The following GRM7 variants were observed in gnomAD, a reference collection of about 807,000 sequenced individuals.
GRM7 encodes metabotropic glutamate receptor 7.
A neutral mutation model predicts 84.5 loss-of-function variants in GRM7; 35 were observed. That is an observed-to-expected ratio of 0.41 (90% CI 0.32 to 0.55). The LOEUF (loss-of-function observed/expected upper bound fraction) is 0.55, where lower values mean the gene tolerates loss of function less well. Among genes scored for constraint, GRM7 ranks in the 20% least tolerant of loss-of-function variants. The pLI is 0.19. For synonymous variants in GRM7, 487 were observed against 455.1 expected, an observed-to-expected ratio of 1.07 and a Z score of -0.89; for missense variants, 1,003 against 1,194.6, an observed-to-expected ratio of 0.84 and a Z score of 2.36.
chr3:7,612,927 A>G (rs1411545487), intron 8 of GRM7, among the ~76,000 whole-genome samples: 1 of 152,218 alleles, frequency 6.6e-6, no homozygotes, highest in Non-Finnish European at 1.5e-5. Context: ...AACTCTGCAG[A>G]GTAACTTGAA....
At chr3:6,987,652 C>T (rs1444762901) in intron 1 of GRM7, among the ~76,000 whole-genome samples, 3 of 152,160 alleles carry the variant, frequency 2.0e-5, no homozygotes, top group African/African-American at 4.8e-5. Flanking sequence ...ATGCTAGTTC[C>T]TTGTAAGCCA....
chr3:6,913,728 G>A (rs1696850761), intron 1 of GRM7, among the ~76,000 whole-genome samples: 2 of 152,116 alleles, frequency 1.3e-5, no homozygotes, highest in Admixed American at 1.3e-4. Flanking sequence ...CACAGTTTTA[G>A]TAGCAAAAGT....
At chr3:6,919,951 G>A (rs890278058) in intron 1 of GRM7, among the ~76,000 whole-genome samples, 3 of 152,092 alleles carry the variant, frequency 2.0e-5, no homozygotes, top group Admixed American at 6.6e-5. Context: ...CATTCTATCT[G>A]AATGAGATGG....
intron 1 of GRM7, chr3:6,956,743 T>A (rs1693071507): frequency 2.3e-6 from 1 of 429,424 alleles, no homozygotes; most frequent in Admixed American, 2.6e-5. Flanking sequence ...CGTTGTAGAA[T>A]GTCTCTTATA....
rs111877541 is a variant in GRM7, at chr3:7,131,241, C to A, written c.520-15211C>A. On this transcript the variant is annotated intron_variant, in intron 1 of 9. Transcript: ENST00000357716. ...TACTCCCTCTAACAGCAGGGAGTGA[C>A]CTGCTTCAAATGTCAAATGGAACCA... 5.9e-3 allele frequency among the ~76,000 whole-genome samples: 892 copies of A among 152,224 alleles called. 7 individuals carry two copies. The highest frequency in any genetic ancestry group is 0.01 in the Middle Eastern group (3 of 294).
rs564706074 is a variant in GRM7 at position 7,102,050 on chromosome 3, T to C, written c.520-44402T>C. Among the ~76,000 whole-genome samples the C allele has an allele frequency of 2.6e-5, 4 of 151,766 alleles. No individual in the cohort carries two copies. In the East Asian group the frequency reaches 7.8e-4, roughly 29 times the overall value. On this transcript the variant is annotated intron_variant, in intron 1 of 9. Coordinates refer to ENST00000357716, the MANE Select transcript of GRM7 (RefSeq NM_000844.4). ...ATATTATACATCCCATAATATAATG[T>C]AAAATTTTTTTCTTTCAAAATTTAG...
intron 1 of GRM7, among the ~76,000 whole-genome samples, chr3:7,049,010 G>C (rs886501514): frequency 6.6e-6 from 1 of 151,850 alleles, no homozygotes; most frequent in Non-Finnish European, 1.5e-5. Context: ...AATTGTCATA[G>C]TGTTATTTAT....
chr3:7,353,888 G>C (rs141857309), intron 4 of GRM7, among the ~76,000 whole-genome samples: 6 of 152,258 alleles, frequency 3.9e-5, no homozygotes, highest in African/African-American at 1.2e-4. Flanking sequence ...AGTGTGACTT[G>C]TGTAGACCTG....
At chr3:7,677,286 A>AC (rs1559481708) in intron 8 of GRM7, among the ~76,000 whole-genome samples, 3 of 150,248 alleles carry the variant, frequency 2.0e-5, no homozygotes, top group African/African-American at 7.5e-5. Flanking sequence ...AAAAAAAAAA[A>AC]AAAAAAAACT....
intron 8 of GRM7, among the ~76,000 whole-genome samples, chr3:7,661,922 T>TC (rs1243967252): frequency 1.3e-5 from 2 of 151,000 alleles, no homozygotes; most frequent in African/African-American, 2.4e-5. Context: ...AAAGTATTTA[T>TC]CCCCCCCAAT....
intron 9 of GRM7, among the ~76,000 whole-genome samples, chr3:7,725,374 G>C (rs1439043021): frequency 6.6e-6 from 1 of 152,148 alleles, no homozygotes; most frequent in Admixed American, 6.5e-5. Context: ...CTTTTGGCCT[G>C]GGTTTTATGT....
chr3:7,530,028 G>A (rs1700970923), intron 7 of GRM7, among the ~76,000 whole-genome samples: 1 of 151,696 alleles, frequency 6.6e-6, no homozygotes, highest in Admixed American at 6.6e-5. Context: ...TGCCATGGTG[G>A]TTTGCAGCAC....
Position 7,048,354 on chromosome 3 carries a change from T to G in GRM7, c.520-98098T>G, listed in dbSNP as rs577612612. 1.1e-3 allele frequency among the ~76,000 whole-genome samples: 163 copies of G among 152,104 alleles called. 1 individual carries two copies. Among genetic ancestry groups the G allele is most frequent in the African/African-American group, 3.5e-3 (145 of 41,546 alleles). On this transcript the variant is annotated intron_variant, in intron 1 of 9. Coordinates refer to ENST00000357716, the MANE Select transcript of GRM7 (RefSeq NM_000844.4). ...TGTTGCAATTTTGTCTATAATACAA[T>G]GTACACAAACAATACTTTGTTATTA... is the stretch of plus-strand genomic sequence containing the variant.
chr3:7,644,393 A>C (rs1698526513), intron 8 of GRM7, among the ~76,000 whole-genome samples: 1 of 151,106 alleles, frequency 6.6e-6, no homozygotes, highest in Admixed American at 6.6e-5. Flanking sequence ...AATTTGCAGA[A>C]ATAGTTAGTT....
intron 2 of GRM7, among the ~76,000 whole-genome samples, chr3:7,249,560 A>T (rs1697901112): frequency 6.6e-6 from 1 of 152,182 alleles, no homozygotes; most frequent in Admixed American, 6.5e-5. Flanking sequence ...AACGACAGAA[A>T]CTGTCTCTGA....
intron 9 of GRM7, among the ~76,000 whole-genome samples, chr3:7,711,537 T>G (rs1166671736): frequency 6.6e-6 from 1 of 152,150 alleles, no homozygotes; most frequent in African/African-American, 2.4e-5. Flanking sequence ...AGGGAAGCCA[T>G]TGGAGTCTCG....
intron 4 of GRM7, among the ~76,000 whole-genome samples, chr3:7,360,752 A>T (rs1044946916): frequency 6.6e-6 from 1 of 152,108 alleles, no homozygotes; most frequent in Admixed American, 6.6e-5. Flanking sequence ...TAGCCTGATT[A>T]TGGGCAAATA....
chr3:7,540,834 T>C (rs570992004), intron 7 of GRM7, among the ~76,000 whole-genome samples: 128 of 152,178 alleles, frequency 8.4e-4, no homozygotes, highest in African/African-American at 2.9e-3. Flanking sequence ...TCATTACAAA[T>C]TTGCAGTATA....
intron 7 of GRM7, among the ~76,000 whole-genome samples, chr3:7,536,134 G>A (rs1701233671): frequency 6.6e-6 from 1 of 152,110 alleles, no homozygotes; most frequent in South Asian, 2.1e-4. Context: ...GATGGGCTCT[G>A]GAATCAGAAT....
Sources: gnomAD v4.1 joint callset for allele counts (sites outside exome capture counted in the v4.1 genomes callset) on GRCh38, gnomAD v4.1.1 for gene constraint, MANE v1.5 for transcripts, NCBI Gene and HGNC (gene_info 2026-07-23, HGNC 2026-07-21) for gene names.